The following NAALADL2 variants were observed in gnomAD, a reference collection of about 807,000 sequenced individuals.
NAALADL2 encodes the protein inactive N-acetylated-alpha-linked acidic dipeptidase-like protein 2.
In NAALADL2, 76 loss-of-function variants were observed where a neutral mutation model predicts 87.2. The ratio of observed to expected loss-of-function variants is 0.87; its 90% CI spans 0.72 to 1.05. The LOEUF (loss-of-function observed/expected upper bound fraction) is 1.05, where lower values mean the gene tolerates loss of function less well. Ranked by LOEUF, NAALADL2 falls within the 50% of genes least tolerant of loss-of-function variation. The pLI is 0.00. For missense variants in NAALADL2, 1,089 were observed against 945.8 expected, an observed-to-expected ratio of 1.15 and a Z score of -1.99; for synonymous variants, 354 against 331.0, an observed-to-expected ratio of 1.07 and a Z score of -0.75.
At chr3:175,178,317 A>G (rs1291453892) in intron 2 of NAALADL2, among the ~76,000 whole-genome samples, 2 of 152,080 alleles carry the variant, frequency 1.3e-5, no homozygotes, top group Admixed American at 1.3e-4. Flanking sequence ...ATTTTGAATC[A>G]TCATTTCTTT....
intron 3 of NAALADL2, among the ~76,000 whole-genome samples, chr3:174,755,430 C>G (rs1578799482): frequency 1.3e-5 from 2 of 152,142 alleles, no homozygotes; most frequent in African/African-American, 4.8e-5. Flanking sequence ...GGTCAGAAAT[C>G]TGGTGAAATT....
At chr3:174,707,849 AAAG>A (rs1730247884) in intron 2 of NAALADL2, among the ~76,000 whole-genome samples, 1 of 152,204 alleles carries the variant, frequency 6.6e-6, no homozygotes. Flanking sequence ...CACAAAAAAA[AAAG>A]CTCACTTAAC....
At chr3:174,627,269 G>T (rs1721663984) in intron 2 of NAALADL2, among the ~76,000 whole-genome samples, 1 of 151,968 alleles carries the variant, frequency 6.6e-6, no homozygotes. Flanking sequence ...AGTCTTTGAA[G>T]ATACACGTCA....
intron 2 of NAALADL2, among the ~76,000 whole-genome samples, chr3:174,565,639 G>A (rs548350828): frequency 3.9e-5 from 6 of 152,080 alleles, no homozygotes; most frequent in Non-Finnish European, 7.4e-5. Context: ...AAACATTCAT[G>A]TGCAGGTTTT....
chr3:175,346,650 A>G (rs1763189220), intron 5 of NAALADL2, among the ~76,000 whole-genome samples: 1 of 147,826 alleles, frequency 6.8e-6, no homozygotes, highest in Non-Finnish European at 1.5e-5. Context: ...AGAATGACAA[A>G]AAGAAAACTG....
At chr3:175,661,104 C>T (rs1367391130) in intron 11 of NAALADL2, among the ~76,000 whole-genome samples, 5 of 151,984 alleles carry the variant, frequency 3.3e-5, no homozygotes, top group African/African-American at 1.2e-4. Flanking sequence ...TGTTTTACAT[C>T]CCTATCAATG....
At chr3:175,712,308 A>C (rs1183587662) in intron 11 of NAALADL2, among the ~76,000 whole-genome samples, 1 of 152,072 alleles carries the variant, frequency 6.6e-6, no homozygotes, top group Non-Finnish European at 1.5e-5. Context: ...TGGCAATATT[A>C]AAATACACTT....
chr3:174,902,164 T>C (rs1230591485), intron 1 of NAALADL2, among the ~76,000 whole-genome samples: 1 of 152,158 alleles, frequency 6.6e-6, no homozygotes, highest in African/African-American at 2.4e-5. Context: ...CTAAGAGAAA[T>C]AGCTAAACCC....
Position 175,376,336 on chromosome 3 carries a change from A to G in NAALADL2, c.1090+52011A>G, listed in dbSNP as rs187719707. ...CTAAAAATTGTTTTATTTTACTTCA[A>G]TTTTTACTTGAATTTCATTTTAAAG... is the stretch of plus-strand genomic sequence containing the variant. On this transcript the variant is annotated intron_variant, in intron 5 of 13. Coordinates refer to ENST00000454872, the MANE Select transcript of NAALADL2 (RefSeq NM_207015.3). 1.9e-3 allele frequency among the ~76,000 whole-genome samples: 284 copies of G among 151,878 alleles called. 1 individual carries two copies. The highest frequency in any genetic ancestry group is 6.8e-3 in the African/African-American group (280 of 41,454).
intron 2 of NAALADL2, among the ~76,000 whole-genome samples, chr3:175,144,250 T>A (rs1217036091): frequency 6.6e-6 from 1 of 151,926 alleles, no homozygotes; most frequent in East Asian, 1.9e-4. Context: ...AATTTTAAAG[T>A]GTGCAGAGTT....
At chr3:174,630,140 A>G (rs1171393408) in intron 2 of NAALADL2, among the ~76,000 whole-genome samples, 3 of 152,184 alleles carry the variant, frequency 2.0e-5, no homozygotes, top group African/African-American at 7.2e-5. Context: ...TGAAACAAAT[A>G]TAATAATTTT....
At chr3:174,636,037 T>G (rs561069629) in intron 2 of NAALADL2, among the ~76,000 whole-genome samples, 2 of 152,264 alleles carry the variant, frequency 1.3e-5, no homozygotes, top group East Asian at 3.9e-4. Flanking sequence ...CAGAAAAATA[T>G]GGAAATGCAA....
At chr3:175,053,847 C>T (rs768788916) in intron 1 of NAALADL2, among the ~76,000 whole-genome samples, 7 of 152,174 alleles carry the variant, frequency 4.6e-5, no homozygotes, top group Non-Finnish European at 8.8e-5. Flanking sequence ...AGACCAGAGG[C>T]ATTAACATGG....
chr3:175,099,039 C>T (rs916826821), intron 2 of NAALADL2, among the ~76,000 whole-genome samples: 2 of 151,966 alleles, frequency 1.3e-5, no homozygotes, highest in African/African-American at 4.8e-5. Context: ...AACTTCATAA[C>T]ATGCATTTTA....
intron 2 of NAALADL2, among the ~76,000 whole-genome samples, chr3:174,607,910 T>G (rs1719306753): frequency 6.6e-6 from 1 of 152,034 alleles, no homozygotes; most frequent in East Asian, 1.9e-4. Context: ...GACCACATAC[T>G]TGGAAGTAAA....
At chr3:174,897,832 G>A (rs556460145) in intron 1 of NAALADL2, among the ~76,000 whole-genome samples, 2 of 138,138 alleles carry the variant, frequency 1.4e-5, no homozygotes, top group African/African-American at 3.5e-5. Context: ...GAATGAGATC[G>A]GCCGGGCGCG....
intron 3 of NAALADL2, among the ~76,000 whole-genome samples, chr3:174,775,293 C>T (rs1331681160): frequency 6.6e-6 from 1 of 151,858 alleles, no homozygotes; most frequent in Non-Finnish European, 1.5e-5. Context: ...AGCAGTCACT[C>T]CCCATCTCCT....
intron 1 of NAALADL2, among the ~76,000 whole-genome samples, chr3:175,058,641 C>T (rs1437829511): frequency 6.6e-6 from 1 of 152,134 alleles, no homozygotes; most frequent in African/African-American, 2.4e-5. Context: ...AGAAAAAGCA[C>T]ATGCAGACAC....
chr3:174,754,373 A>G (rs1030581837), intron 3 of NAALADL2, among the ~76,000 whole-genome samples: 4 of 152,152 alleles, frequency 2.6e-5, no homozygotes, highest in African/African-American at 7.2e-5. Flanking sequence ...ATTTAAATAA[A>G]TTCTTAGAAA....
Sources: allele counts gnomAD v4.1 joint callset (sites outside exome capture counted in the v4.1 genomes callset), GRCh38; gene constraint gnomAD v4.1.1; transcripts MANE v1.5; gene names NCBI Gene and HGNC (gene_info 2026-07-23, HGNC 2026-07-21).